Variants in STS observed in about 807,000 individuals in gnomAD.
STS encodes the protein steroid sulfatase.
Under a neutral mutation model 26.8 loss-of-function variants are expected in STS, and 7 were observed. The ratio of observed to expected loss-of-function variants is 0.26; its 90% CI spans 0.15 to 0.49. STS has a LOEUF of 0.49. Ranked by LOEUF, STS falls within the 20% of genes least tolerant of loss-of-function variation. The pLI, the probability that STS is intolerant of heterozygous loss-of-function variation, is 0.98. For missense variants in STS, 434 were observed against 465.6 expected (o/e 0.93, Z 0.63); for synonymous variants, 199 against 189.4 (o/e 1.05, Z -0.42).
At position 7,147,747 on chromosome X, in the gene STS, C is replaced by T. The variant is rs1932901658; in HGVS notation, c.-470C>T. On this transcript the variant is annotated 5_prime_UTR_variant, in exon 1 of 11. Transcript: ENST00000674429. ...GAGGACGCGGAGCCGCGCGCCCGCC[C>T]GGTGGACCCCAGGGACTGCTCCCAC... 8.9e-6 allele frequency: 1 copy of T among 112,811 alleles called. No homozygotes were observed. Among genetic ancestry groups the T allele is most frequent in the Admixed American group, 9.3e-5 (1 of 10,765 alleles). The allele number at this position is 112,811 out of a possible 1,213,427, so 9.3% of individuals were successfully genotyped here.
chrX:7,258,241 G>C (rs1923539896), intron 5 of STS, among the ~76,000 whole-genome samples: 1 of 105,933 alleles, frequency 9.4e-6, no homozygotes. Flanking sequence ...GGATGAAATA[G>C]ATGATGATAG....
intron 1 of STS, among the ~76,000 whole-genome samples, chrX:7,168,929 A>G (rs1305315087): frequency 1.8e-5 from 2 of 111,704 alleles, no homozygotes; most frequent in African/African-American, 6.5e-5. Context: ...AGAAGGCTTT[A>G]TGGTATTAAC....
intron 2 of STS, among the ~76,000 whole-genome samples, chrX:7,216,033 G>T (rs1237794616): frequency 9.8e-5 from 11 of 111,909 alleles, no homozygotes; most frequent in African/African-American, 3.6e-4. Context: ...GAACCAGAGG[G>T]CTAATTAGGA....
At chrX:7,323,417 A>G (rs1168204300) in intron 8 of STS, among the ~76,000 whole-genome samples, 5 of 110,744 alleles carry the variant, frequency 4.5e-5, no homozygotes, top group Non-Finnish European at 7.6e-5. Context: ...ACTGTTGCCA[A>G]CTTTATGTTT....
intron 10 of STS, among the ~76,000 whole-genome samples, chrX:7,337,626 G>A (rs1228374720): frequency 8.9e-6 from 1 of 112,428 alleles, no homozygotes; most frequent in African/African-American, 3.2e-5. Context: ...TAGTATTAGG[G>A]TTTAGTAGCA....
At chrX:7,168,932 GTAT>G (rs1933406855) in intron 1 of STS, among the ~76,000 whole-genome samples, 1 of 111,356 alleles carries the variant, frequency 9.0e-6, no homozygotes, top group African/African-American at 3.3e-5. Flanking sequence ...AGGCTTTATG[GTAT>G]TAACAAAATA....
At chrX:7,171,785 A>C (rs1933473212) in intron 1 of STS, among the ~76,000 whole-genome samples, 1 of 112,007 alleles carries the variant, frequency 8.9e-6, no homozygotes. Context: ...ATTCGATTAG[A>C]TCCATTGGAG....
rs760134291 is a variant in STS at position 7,272,644 on chromosome X, C to T, written c.807-3307C>T. Among the ~76,000 whole-genome samples, 3 of 111,920 alleles carry T rather than the reference C, an allele frequency of 2.7e-5. No individual in the cohort carries two copies. In the East Asian group the frequency reaches 8.5e-4, roughly 32 times the overall value. ...CCCTGTCGTTCACTTGACTGCTGGGCGGGGCTGCCAATGCTCAGAAAGCAA... is the reference window on the plus strand; with the variant it reads ...CCCTGTCGTTCACTTGACTGCTGGGTGGGGCTGCCAATGCTCAGAAAGCAA... On this transcript the variant is annotated intron_variant, in intron 6 of 10. Coordinates refer to ENST00000674429, the MANE Select transcript of STS (RefSeq NM_001320752.2).
At chrX:7,215,609 A>G (rs1921277517) in intron 2 of STS, among the ~76,000 whole-genome samples, 1 of 111,381 alleles carries the variant, frequency 9.0e-6, no homozygotes. Flanking sequence ...GAAGCCCAGG[A>G]TGAACGGCAT....
At chrX:7,152,190 G>C (rs1477785984) in intron 1 of STS, among the ~76,000 whole-genome samples, 1 of 111,001 alleles carries the variant, frequency 9.0e-6, no homozygotes, top group Admixed American at 9.5e-5. Context: ...CTGACCTTGC[G>C]ATCCGCCCCC....
upstream of STS, among the ~76,000 whole-genome samples, chrX:7,147,495 G>C (rs1456744854): frequency 8.9e-6 from 1 of 111,822 alleles, no homozygotes; most frequent in Non-Finnish European, 1.9e-5. Flanking sequence ...TCCTGACATC[G>C]CCATTGCCAG....
chrX:7,264,950 A>G (rs761270616), intron 6 of STS, among the ~76,000 whole-genome samples: 1 of 111,296 alleles, frequency 9.0e-6, no homozygotes, highest in South Asian at 3.9e-4. Context: ...TGTGATTAAA[A>G]CAAAAGCTTA....
At chrX:7,232,392 C>A in intron 2 of STS, among the ~76,000 whole-genome samples, 1 of 111,644 alleles carries the variant, frequency 9.0e-6, no homozygotes, top group Non-Finnish European at 1.9e-5. Flanking sequence ...TTTTTTTTAA[C>A]CACCTTGAGA....
intron 2 of STS, among the ~76,000 whole-genome samples, chrX:7,236,545 A>G: frequency 8.9e-6 from 1 of 112,385 alleles, no homozygotes; most frequent in Middle Eastern, 4.6e-3. Flanking sequence ...TTGACACCTT[A>G]TAGTATTTGG....
At chrX:7,250,204 A>C (rs1315747195) in intron 2 of STS, among the ~76,000 whole-genome samples, 1 of 110,954 alleles carries the variant, frequency 9.0e-6, no homozygotes, top group African/African-American at 3.3e-5. Context: ...CTGGGATTAT[A>C]GGTGTGAGCC....
chrX:7,304,286 A>G (rs1926110899), intron 7 of STS, among the ~76,000 whole-genome samples: 1 of 112,141 alleles, frequency 8.9e-6, no homozygotes, highest in African/African-American at 3.2e-5. Context: ...TAAACAAGAT[A>G]ATATGTAATA....
At chrX:7,331,541 C>A (rs747297741) in intron 9 of STS, among the ~76,000 whole-genome samples, 1 of 111,516 alleles carries the variant, frequency 9.0e-6, no homozygotes, top group South Asian at 3.8e-4. Context: ...CCAGAGAAAA[C>A]AGCAATGCTT....
intron 6 of STS, among the ~76,000 whole-genome samples, chrX:7,261,955 T>C (rs1923769141): frequency 8.9e-6 from 1 of 112,223 alleles, no homozygotes; most frequent in South Asian, 3.7e-4. Context: ...CAGATTTTGT[T>C]AAAATCTAAA....
chrX:7,193,451 CT>C (rs11385075), intron 2 of STS, among the ~76,000 whole-genome samples: 53 of 98,459 alleles, frequency 5.4e-4, no homozygotes, highest in Middle Eastern at 5.3e-3. Context: ...CTTTAAGTAC[CT>C]TTTTTTTTTT....
Sources: gnomAD v4.1 joint callset for allele counts (sites outside exome capture counted in the v4.1 genomes callset) on GRCh38, gnomAD v4.1.1 for gene constraint, MANE v1.5 for transcripts, NCBI Gene and HGNC (gene_info 2026-07-23, HGNC 2026-07-21) for gene names.